DLC1: variants seen among roughly 807,000 people sequenced by gnomAD.
DLC1 encodes the protein rho GTPase-activating protein 7.
In DLC1, 54 loss-of-function variants were observed where a neutral mutation model predicts 140.3. That is an observed-to-expected ratio of 0.38 (90% confidence interval 0.31 to 0.48). The LOEUF is 0.48. Among genes scored for constraint, DLC1 ranks in the 20% least tolerant of loss-of-function variants. The probability of loss-of-function intolerance (pLI) is 0.96; values close to 1 mark genes in which losing one functional copy is unlikely to be tolerated. For missense variants in DLC1, 2,536 were observed against 1,907.0 expected (o/e 1.33, Z -6.14); for synonymous variants, 986 against 728.1 (o/e 1.35, Z -5.70).
chr8:13,496,598 A>C (rs1250805845), intron 2 of DLC1, among the ~76,000 whole-genome samples: 22 of 62,680 alleles, frequency 3.5e-4, no homozygotes, highest in African/African-American at 7.1e-4. Flanking sequence ...ACACACACAT[A>C]CCTACACACA....
At chr8:13,364,473 T>G (rs536098502) in intron 4 of DLC1, among the ~76,000 whole-genome samples, 72 of 152,116 alleles carry the variant, frequency 4.7e-4, no homozygotes, top group Non-Finnish European at 8.7e-4. Context: ...TAATTTTGTA[T>G]TTTTAGCAGA....
chr8:13,499,496 C>A lies in DLC1; in HGVS notation c.576G>T (p.Glu192Asp), dbSNP rs376251656. The A allele has an allele frequency of 1.2e-6, 2 of 1,614,020 alleles. No individual in the cohort carries two copies. The highest frequency in any genetic ancestry group is 1.7e-6 in the Non-Finnish European group (2 of 1,180,032). Residue 192 changes from glutamate to aspartate, a missense_variant, in exon 2 of 18, where the codon GAG (glutamate) becomes GAT (aspartate). Transcript: ENST00000276297. ...KVTDSISKSLELCNEISLSEI... is the reference protein window; with the variant it reads ...KVTDSISKSLDLCNEISLSEI... Reference sequence around the variant, plus strand: ...CACTTAAGCTTATTTCATTGCAAAGCTCCAGGCTTTTACTTATAGAGTCAG... The same window carrying A: ...CACTTAAGCTTATTTCATTGCAAAGATCCAGGCTTTTACTTATAGAGTCAG...
chr8:13,397,167 G>T (rs187600779), intron 3 of DLC1, among the ~76,000 whole-genome samples: 39 of 152,202 alleles, frequency 2.6e-4, no homozygotes, highest in African/African-American at 9.4e-4. Flanking sequence ...TCCATTGGTT[G>T]TTCTGATCTG....
intron 5 of DLC1, among the ~76,000 whole-genome samples, chr8:13,134,612 C>T (rs1036451514): frequency 6.6e-6 from 1 of 152,126 alleles, no homozygotes; most frequent in Non-Finnish European, 1.5e-5. Flanking sequence ...ATAGCGATAT[C>T]TTAGTTTACA....
At chr8:13,262,513 A>G (rs60575293) in intron 5 of DLC1, among the ~76,000 whole-genome samples, 20,819 of 152,174 alleles carry the variant, frequency 0.14, 1,509 homozygotes, top group South Asian at 0.19. Flanking sequence ...AAATTCACCA[A>G]TATTGCCAGG....
At chr8:13,312,132 C>A (rs919121310) in intron 4 of DLC1, among the ~76,000 whole-genome samples, 1 of 147,860 alleles carries the variant, frequency 6.8e-6, no homozygotes. Context: ...GAGGCCGAGG[C>A]GGGCGGATCA....
chr8:13,215,214 A>G (rs914018559), intron 5 of DLC1, among the ~76,000 whole-genome samples: 5 of 152,224 alleles, frequency 3.3e-5, no homozygotes, highest in African/African-American at 1.2e-4. Flanking sequence ...CGTCTTACAA[A>G]AAAATAATTT....
intron 5 of DLC1, among the ~76,000 whole-genome samples, chr8:13,237,343 C>T (rs565727182): frequency 6.3e-4 from 93 of 148,140 alleles, no homozygotes; most frequent in Middle Eastern, 7.1e-3. Flanking sequence ...TATATATATA[C>T]ACACACACAC....
chr8:13,577,872 A>G (rs2117433053), intron 1 of DLC1, among the ~76,000 whole-genome samples: 1 of 152,258 alleles, frequency 6.6e-6, no homozygotes, highest in Non-Finnish European at 1.5e-5. Context: ...TTCACCCATG[A>G]CAATTGTTGC....
chr8:13,458,235 AC>A (rs1300967497), intron 2 of DLC1, among the ~76,000 whole-genome samples: 2 of 152,306 alleles, frequency 1.3e-5, no homozygotes, highest in Admixed American at 1.3e-4. Flanking sequence ...TATGTTTATT[AC>A]CATTAGTTGT....
chr8:13,220,496 G>A (rs1030363997), intron 5 of DLC1, among the ~76,000 whole-genome samples: 2 of 152,068 alleles, frequency 1.3e-5, no homozygotes, highest in African/African-American at 2.4e-5. Context: ...GAGACCAAAT[G>A]TTCCCCAACT....
At chr8:13,133,236 G>T (rs1294942618) in intron 5 of DLC1, 20 of 1,396,364 alleles carry the variant, frequency 1.4e-5, no homozygotes, top group Non-Finnish European at 1.8e-5. Flanking sequence ...GGAGAGGTGC[G>T]GCCATGTCCT....
intron 1 of DLC1, among the ~76,000 whole-genome samples, chr8:13,572,168 C>T (rs908204638): frequency 9.9e-5 from 15 of 150,936 alleles, no homozygotes; most frequent in Non-Finnish European, 2.1e-4. Flanking sequence ...CGCCTCACTG[C>T]AAGCTCCACC....
chr8:13,292,924 T>G (rs549979665), intron 5 of DLC1, among the ~76,000 whole-genome samples: 1 of 152,238 alleles, frequency 6.6e-6, no homozygotes, highest in South Asian at 2.1e-4. Context: ...ATAATGCAAA[T>G]TAAAAACCAA....
intron 1 of DLC1, among the ~76,000 whole-genome samples, chr8:13,564,602 G>A (rs186011683): frequency 6.6e-6 from 1 of 152,324 alleles, no homozygotes; most frequent in East Asian, 1.9e-4. Context: ...ATATCTGGGG[G>A]GAGAATTGCT....
chr8:13,118,983 C>A (rs1194197708), intron 5 of DLC1, among the ~76,000 whole-genome samples: 1 of 152,096 alleles, frequency 6.6e-6, no homozygotes, highest in Non-Finnish European at 1.5e-5. Context: ...AGTCTCAGCA[C>A]TTTGGGAGGG....
intron 4 of DLC1, chr8:13,353,475 T>G (rs890018601): frequency 6.6e-6 from 1 of 151,802 alleles, no homozygotes; most frequent in African/African-American, 2.4e-5. Context: ...GAATATAGAA[T>G]ATGATTAGTT....
At chr8:13,189,097 G>C (rs956249290) in intron 5 of DLC1, among the ~76,000 whole-genome samples, 1 of 151,746 alleles carries the variant, frequency 6.6e-6, no homozygotes, top group South Asian at 2.1e-4. Flanking sequence ...AGTTACTTCA[G>C]TGGCATTAAA....
At chr8:13,249,407 G>A (rs553618098) in intron 5 of DLC1, among the ~76,000 whole-genome samples, 7 of 152,124 alleles carry the variant, frequency 4.6e-5, no homozygotes, top group Non-Finnish European at 8.8e-5. Context: ...AGACTGTATT[G>A]TCTCCACTGC....
Sources: allele counts gnomAD v4.1 joint callset (sites outside exome capture counted in the v4.1 genomes callset), GRCh38; gene constraint gnomAD v4.1.1; transcripts MANE v1.5; gene names NCBI Gene and HGNC (gene_info 2026-07-23, HGNC 2026-07-21).